Variants in ZNF462 observed in about 807,000 individuals in gnomAD.
The protein encoded by ZNF462 is zinc finger PBX1-interacting protein.
A neutral mutation model predicts 201.9 loss-of-function variants in ZNF462; 10 were observed. The observed-to-expected ratio is 0.05, with a 90% CI of 0.03 to 0.08. The LOEUF (loss-of-function observed/expected upper bound fraction) is 0.08, where lower values mean the gene tolerates loss of function less well. Ranked by LOEUF, ZNF462 falls within the 10% of genes least tolerant of loss-of-function variation. The pLI, the probability that ZNF462 is intolerant of heterozygous loss-of-function variation, is 1.00. For missense variants in ZNF462, 2,523 were observed against 3,168.3 expected (o/e 0.80, Z 4.89); for synonymous variants, 1,227 against 1,193.3 (o/e 1.03, Z -0.58).
At chr9:106,867,989 T>A (rs1827417634) in intron 1 of ZNF462, among the ~76,000 whole-genome samples, 3 of 151,434 alleles carry the variant, frequency 2.0e-5, no homozygotes. Flanking sequence ...GGATCTAACA[T>A]GAATGTATGA....
In ZNF462 at chr9:107,009,725, G is replaced by C; in HGVS notation, c.7313+57G>C. On this transcript the variant is annotated intron_variant, in intron 12 of 12. Coordinates refer to ENST00000277225, the MANE Select transcript of ZNF462 (RefSeq NM_021224.6). The surrounding 1 kb of genome is among the most constrained non-coding windows in gnomAD (Gnocchi z 6.1). ...CCAAAGCAAGAGGTAGGGAGGGAGG[G>C]AGGGGCTCTTGTTTTGGTTCCCCTG... The C allele has an allele frequency of 1.5e-6, 2 of 1,318,434 alleles. No homozygotes were observed. Among genetic ancestry groups the C allele is most frequent in the African/African-American group, 1.5e-5 (1 of 68,754 alleles). 81.7% of individuals were successfully genotyped at this position (1,318,434 alleles called of 1,614,324 possible).
intron 7 of ZNF462, among the ~76,000 whole-genome samples, chr9:106,967,706 G>A (rs573606208): frequency 1.3e-5 from 2 of 152,206 alleles, no homozygotes; most frequent in South Asian, 4.1e-4. Context: ...TATTATTTGA[G>A]GACAATTTAT....
rs1346425491 is a variant in ZNF462 at position 106,895,601 on chromosome 9, G to C, written c.-30-27753G>C. Among the ~76,000 whole-genome samples the C allele has an allele frequency of 6.6e-6, 1 of 152,236 alleles. No individual in the cohort carries two copies. The highest frequency in any genetic ancestry group is 1.5e-5 in the Non-Finnish European group (1 of 68,038). ...GTCCGAATGAAGGGAGGGAGGGAAGGCTCTGACATTTGAAACTGGATAGAT... is the reference window on the plus strand; with the variant it reads ...GTCCGAATGAAGGGAGGGAGGGAAGCCTCTGACATTTGAAACTGGATAGAT... On this transcript the variant is annotated intron_variant, in intron 1 of 12. Transcript: ENST00000277225. The surrounding 1 kb of genome is among the most constrained non-coding windows in gnomAD (Gnocchi z 4.4).
intron 1 of ZNF462, among the ~76,000 whole-genome samples, chr9:106,908,910 C>CATATATACATATATAT (rs1458619122): frequency 1.8e-4 from 8 of 43,978 alleles, no homozygotes; most frequent in African/African-American, 8.8e-4. Flanking sequence ...CCCATATATA[C>CATATATACATATATAT]ATATATATAT....
At chr9:106,922,447 T>G (rs140603848) in intron 1 of ZNF462, among the ~76,000 whole-genome samples, 1 of 152,286 alleles carries the variant, frequency 6.6e-6, no homozygotes, top group East Asian at 1.9e-4. Context: ...CCACGGTAGG[T>G]TCACAGCTTT....
At position 106,951,009 on chromosome 9, in the gene ZNF462, G is replaced by A. The variant is rs189603559; in HGVS notation, c.6427+11902G>A. Among the ~76,000 whole-genome samples the A allele has an allele frequency of 1.1e-3, 170 of 151,690 alleles. 1 individual carries two copies. Among genetic ancestry groups the A allele is most frequent in the Middle Eastern group, 3.4e-3 (1 of 294 alleles). On this transcript the variant is annotated intron_variant, in intron 7 of 12. Coordinates refer to ENST00000277225, the MANE Select transcript of ZNF462 (RefSeq NM_021224.6). The stretch of plus-strand genomic sequence containing the variant: ...GGAGGCTGAGGTGGGAGAATTGCTT[G>A]AACCCAGGAGACAGAGGTTGCAGTG...
chr9:106,960,147 C>G (rs1245210399), intron 7 of ZNF462, among the ~76,000 whole-genome samples: 1 of 152,094 alleles, frequency 6.6e-6, no homozygotes, highest in Non-Finnish European at 1.5e-5. Flanking sequence ...CATAGCCTTT[C>G]TCACCTGATT....
In ZNF462 at chr9:106,993,988, C is replaced by G. The variant is rs945619538; in HGVS notation, c.7057-9306C>G. On this transcript the variant is annotated intron_variant, in intron 10 of 12. Transcript: ENST00000277225. This position sits in a 1 kb window ranked among gnomAD's most constrained non-coding sequence, Gnocchi z 4.0. ...TTCTCACATTTAAAAAATACACACA[C>G]TGTTTTTAAAAGAAAGTTTATATGC... Among the ~76,000 whole-genome samples, 2 of 152,070 alleles carry G rather than the reference C, an allele frequency of 1.3e-5. No homozygotes were observed. The highest frequency in any genetic ancestry group is 4.8e-5 in the African/African-American group (2 of 41,432).
rs761996680 is a variant in ZNF462, at chr9:106,970,914, T to C, written c.6428-1091T>C. On this transcript the variant is annotated intron_variant, in intron 7 of 12. Transcript: ENST00000277225. The surrounding 1 kb of genome is among the most constrained non-coding windows in gnomAD (Gnocchi z 4.2). ...GATCAGATTTCTCCACCGCATGCCA[T>C]TGAAGCTTCTCGGGGTTAAGATTTG... Among the ~76,000 whole-genome samples the C allele has an allele frequency of 9.2e-5, 14 of 152,068 alleles. No individual in the cohort carries two copies. Among genetic ancestry groups the C allele is most frequent in the East Asian group, 1.9e-4 (1 of 5,194 alleles).
chr9:106,860,644 G>A (rs1458589699), upstream of ZNF462, among the ~76,000 whole-genome samples: 1 of 152,196 alleles, frequency 6.6e-6, no homozygotes, highest in Non-Finnish European at 1.5e-5. This position sits in a 1 kb window ranked among gnomAD's most constrained non-coding sequence, Gnocchi z 7.1. Flanking sequence ...TATTTTCCCG[G>A]TGCAGAGCTT....
At chr9:106,873,231 T>C (rs73668704) in intron 1 of ZNF462, among the ~76,000 whole-genome samples, 8,618 of 152,232 alleles carry the variant, frequency 0.057, 418 homozygotes, top group African/African-American at 0.13. Flanking sequence ...ATATAACTTA[T>C]TGCAATAGCT....
At chr9:106,957,211 G>T (rs1831619104) in intron 7 of ZNF462, among the ~76,000 whole-genome samples, 1 of 152,050 alleles carries the variant, frequency 6.6e-6, no homozygotes, top group African/African-American at 2.4e-5. Flanking sequence ...TTCTACTAGG[G>T]TTAGTCATTG....
At position 106,935,032 on chromosome 9, in the gene ZNF462, C is replaced by T. The variant is rs866848778; in HGVS notation, c.6117-471C>T. Among the ~76,000 whole-genome samples, 4 of 152,230 alleles carry T rather than the reference C, an allele frequency of 2.6e-5. No individual in the cohort carries two copies. The highest frequency in any genetic ancestry group is 3.4e-3 in the Middle Eastern group (1 of 294). ...CCTCCCTTCCTCACTCTAGTGTTCA[C>T]AATGAAAGTAGAATTAGAATTCAAA... On this transcript the variant is annotated intron_variant, in intron 5 of 12. Transcript: ENST00000277225. The surrounding 1 kb of genome is among the most constrained non-coding windows in gnomAD (Gnocchi z 4.1).
chr9:106,993,524 T>G lies in ZNF462; in HGVS notation c.7056+9115T>G, dbSNP rs1828446610. ...GAAACAGTGCAGGTTATTTGAAATT[T>G]TATTTTTTTATCCTGTGACTCCCTG... On this transcript the variant is annotated intron_variant, in intron 10 of 12. Coordinates refer to ENST00000277225, the MANE Select transcript of ZNF462 (RefSeq NM_021224.6). This position sits in a 1 kb window ranked among gnomAD's most constrained non-coding sequence, Gnocchi z 4.0. 1.3e-5 allele frequency among the ~76,000 whole-genome samples: 2 copies of G among 152,136 alleles called. No individual in the cohort carries two copies. The highest frequency in any genetic ancestry group is 3.9e-4 in the East Asian group (2 of 5,146).
chr9:106,921,317 T>C (rs1431224603), intron 1 of ZNF462, among the ~76,000 whole-genome samples: 1 of 152,022 alleles, frequency 6.6e-6, no homozygotes, highest in Non-Finnish European at 1.5e-5. Flanking sequence ...TGAATGACAT[T>C]TGAGGAGGAG....
chr9:106,904,345 T>A (rs1233354124), intron 1 of ZNF462, among the ~76,000 whole-genome samples: 2 of 152,192 alleles, frequency 1.3e-5, no homozygotes, highest in Non-Finnish European at 2.9e-5. Flanking sequence ...GGTGCTTCTG[T>A]CTCACAGCTC....
intron 7 of ZNF462, among the ~76,000 whole-genome samples, chr9:106,961,615 C>T (rs1033045143): frequency 5.3e-5 from 8 of 151,432 alleles, no homozygotes; most frequent in Admixed American, 2.6e-4. Context: ...TGGGGTACAT[C>T]GACTTAAAAC....
At position 107,009,968 on chromosome 9, in the gene ZNF462, C is replaced by T. The variant is rs1168769845; in HGVS notation, c.7313+300C>T. ...CCAATATCCCTTTAGTCTTCATTAG[C>T]GTGACATTCTATAATAGAACGTGAA... is the stretch of plus-strand genomic sequence containing the variant. On this transcript the variant is annotated intron_variant, in intron 12 of 12. Transcript: ENST00000277225. The surrounding 1 kb of genome is among the most constrained non-coding windows in gnomAD (Gnocchi z 6.1). 2.6e-5 allele frequency among the ~76,000 whole-genome samples: 4 copies of T among 152,086 alleles called. No individual in the cohort carries two copies. Among genetic ancestry groups the T allele is most frequent in the South Asian group, 2.1e-4 (1 of 4,816 alleles).
chr9:106,935,768 G>A lies in ZNF462; in HGVS notation c.6235+147G>A. 3 of 563,972 alleles carry A rather than the reference G, an allele frequency of 5.3e-6. No homozygotes were observed. Among genetic ancestry groups the A allele is most frequent in the South Asian group, 4.5e-5 (1 of 22,022 alleles). The allele number at this position is 563,972 out of a possible 1,614,324, so 34.9% of individuals were successfully genotyped here. On this transcript the variant is annotated intron_variant, in intron 6 of 12. Transcript: ENST00000277225. This position sits in a 1 kb window ranked among gnomAD's most constrained non-coding sequence, Gnocchi z 4.1. ...GTATATTCAGTTTTATTTTTACCTA[G>A]TAAAGAAAAAATAAAGAAAAAAGTA...
Sources: allele counts gnomAD v4.1 joint callset (sites outside exome capture counted in the v4.1 genomes callset), GRCh38; gene constraint gnomAD v4.1.1; non-coding constraint Gnocchi (gnomAD v3.1); transcripts MANE v1.5; gene names NCBI Gene and HGNC (gene_info 2026-07-23, HGNC 2026-07-21).